Variants in CAPSL observed in about 807,000 individuals in gnomAD.
CAPSL encodes calcyphosine like.
In CAPSL, 17 loss-of-function variants were observed where a neutral mutation model predicts 21.3. That is an observed-to-expected ratio of 0.80 (90% CI 0.55 to 1.20). The LOEUF (loss-of-function observed/expected upper bound fraction) is 1.20. Ranked by LOEUF, CAPSL falls within the 50% of genes most tolerant of loss-of-function variation. CAPSL has a pLI of 0.00. For missense variants in CAPSL, 289 were observed against 259.3 expected (o/e 1.11, Z -0.79); for synonymous variants, 102 against 89.3 (o/e 1.14, Z -0.80).
chr5:35,916,694 C>A (rs1738395878), intron 2 of CAPSL, among the ~76,000 whole-genome samples: 1 of 152,186 alleles, frequency 6.6e-6, no homozygotes, highest in Non-Finnish European at 1.5e-5. Flanking sequence ...CCCTTCCTTA[C>A]ACCTTACACA....
intron 1 of CAPSL, among the ~76,000 whole-genome samples, chr5:35,922,526 A>G (rs1738566650): frequency 6.6e-6 from 1 of 152,162 alleles, no homozygotes; most frequent in Non-Finnish European, 1.5e-5. Context: ...TTTACTCCAC[A>G]TTAGGAAAAA....
chr5:35,926,030 CGCGCCACTGCACTCCAGCCTGG>C (rs1299577782), intron 1 of CAPSL, among the ~76,000 whole-genome samples: 1 of 146,466 alleles, frequency 6.8e-6, no homozygotes, highest in Non-Finnish European at 1.5e-5. Context: ...GAGCCAAGAT[CGCGCCACTGCACTCCAGCCTGG>C]GCGGCTGAGC....
chr5:35,919,188 TATAA>T (rs1458567676), intron 2 of CAPSL, among the ~76,000 whole-genome samples: 7 of 146,112 alleles, frequency 4.8e-5, no homozygotes, highest in African/African-American at 1.7e-4. Context: ...TATATATATA[TATAA>T]AAATTGTGAA....
chr5:35,935,421 C>A (rs1252612502), intron 1 of CAPSL, among the ~76,000 whole-genome samples: 2 of 151,910 alleles, frequency 1.3e-5, no homozygotes, highest in African/African-American at 2.4e-5. Flanking sequence ...CAGCCTCAAT[C>A]TCCTGGGCAC....
intron 4 of CAPSL, among the ~76,000 whole-genome samples, chr5:35,908,400 TGAGA>T (rs1401401011): frequency 6.6e-6 from 1 of 152,214 alleles, no homozygotes; most frequent in Non-Finnish European, 1.5e-5. Context: ...TATGAGCTTT[TGAGA>T]GCTTAATGTG....
At position 35,904,573 on chromosome 5, in the gene CAPSL, A is replaced by AT. The variant is rs766454360; in HGVS notation, c.598dup (p.Ile200AsnfsTer13). On this transcript the variant is annotated frameshift_variant, in exon 5 of 5. Coordinates refer to ENST00000651391, the MANE Select transcript of CAPSL (RefSeq NM_001042625.2). LOFTEE classifies it high-confidence loss of function. Reference sequence around the variant, plus strand: ...AAGCTTCCAGGCGGTTCTCATCATGATGATGAAGTACACATCAGTGTCAAT... The same window carrying AT: ...AAGCTTCCAGGCGGTTCTCATCATGATTGATGAAGTACACATCAGTGTCAAT... The AT allele has an allele frequency of 5.6e-6, 9 of 1,613,808 alleles. No individual in the cohort carries two copies. In the East Asian group the frequency reaches 2.0e-4, roughly 36 times the overall value.
chr5:35,904,706 C>T, intron 4 of CAPSL, 60 bp from the exon 5 acceptor site: 1 of 1,601,800 alleles, frequency 6.2e-7, no homozygotes, highest in African/African-American at 1.3e-5. Flanking sequence ...TCAATGGGCG[C>T]CCACCTTGTG....
intron 2 of CAPSL, among the ~76,000 whole-genome samples, chr5:35,918,331 C>A (rs576128490): frequency 6.6e-6 from 1 of 152,264 alleles, no homozygotes; most frequent in Admixed American, 6.5e-5. Flanking sequence ...AGCTGGAAAC[C>A]ATAATTCTTA....
chr5:35,909,869 T>A lies in CAPSL; in HGVS notation c.522A>T (p.Gly174=), dbSNP rs758028437. Residue 174 remains glycine, a synonymous_variant, in exon 4 of 5, where the codon GGA becomes GGT. Coordinates refer to ENST00000651391, the MANE Select transcript of CAPSL (RefSeq NM_001042625.2). ...DNFDSPYDKD[G]LVTPEEFMNY... ...TAGATTAGGCTCTTTTACTTACCAA[T>A]CCATCTTTGTCATAGGGTGAATCAA... The A allele has an allele frequency of 6.2e-7, 1 of 1,607,774 alleles. No individual in the cohort carries two copies. The highest frequency in any genetic ancestry group is 1.1e-5 in the South Asian group (1 of 88,656).
chr5:35,907,339 A>G (rs1262807432), intron 4 of CAPSL, among the ~76,000 whole-genome samples: 1 of 152,194 alleles, frequency 6.6e-6, no homozygotes, highest in Non-Finnish European at 1.5e-5. Context: ...TTTTTATGAG[A>G]TGGATGAGGC....
chr5:35,923,582 G>C (rs1738593490), intron 1 of CAPSL, among the ~76,000 whole-genome samples: 1 of 152,186 alleles, frequency 6.6e-6, no homozygotes, highest in African/African-American at 2.4e-5. Flanking sequence ...AAGGAACACA[G>C]TACTGATAGA....
rs565287927 is a variant in CAPSL, at chr5:35,913,198, T to C, written c.138-2655A>G. ...AAATGAACAACGCCTCCAAGAAATATGGGACTATGTGAAAAGACCAAATCT... is the reference window on the plus strand; with the variant it reads ...AAATGAACAACGCCTCCAAGAAATACGGGACTATGTGAAAAGACCAAATCT... On this transcript the variant is annotated intron_variant, in intron 2 of 4. Coordinates refer to ENST00000651391, the MANE Select transcript of CAPSL (RefSeq NM_001042625.2). Among the ~76,000 whole-genome samples the C allele has an allele frequency of 1.3e-4, 20 of 152,142 alleles. 1 individual carries two copies. In the South Asian group the frequency reaches 4.2e-3, roughly 32 times the overall value.
At chr5:35,935,031 C>CA (rs1180118661) in intron 1 of CAPSL, among the ~76,000 whole-genome samples, 1 of 152,170 alleles carries the variant, frequency 6.6e-6, no homozygotes, top group African/African-American at 2.4e-5. Flanking sequence ...CTGTCACCTC[C>CA]ACATCATGAC....
chr5:35,920,200 C>T (rs959523080), intron 2 of CAPSL, among the ~76,000 whole-genome samples: 3 of 152,170 alleles, frequency 2.0e-5, no homozygotes, highest in African/African-American at 7.2e-5. Flanking sequence ...GGCTAGATTT[C>T]CCTCCCATTG....
At chr5:35,922,520 C>T (rs1738566529) in intron 1 of CAPSL, among the ~76,000 whole-genome samples, 1 of 152,228 alleles carries the variant, frequency 6.6e-6, no homozygotes. Context: ...CAGCTCTTTA[C>T]TCCACATTAG....
At chr5:35,929,662 G>A (rs1738772441) in intron 1 of CAPSL, among the ~76,000 whole-genome samples, 1 of 152,084 alleles carries the variant, frequency 6.6e-6, no homozygotes, top group African/African-American at 2.4e-5. Context: ...ATTGCTTTGG[G>A]GACTCAGAGA....
intron 1 of CAPSL, among the ~76,000 whole-genome samples, chr5:35,928,338 G>A (rs1298521605): frequency 1.3e-5 from 2 of 152,182 alleles, no homozygotes; most frequent in African/African-American, 4.8e-5. Context: ...TAGGTGTTGA[G>A]TATAGCCTAG....
At chr5:35,927,125 A>G (rs1392268564) in intron 1 of CAPSL, among the ~76,000 whole-genome samples, 8 of 152,192 alleles carry the variant, frequency 5.3e-5, no homozygotes, top group Admixed American at 3.3e-4. Context: ...TGGCTGGACC[A>G]GATTTTGCCT....
chr5:35,922,177 T>A (rs1046031086), intron 1 of CAPSL, among the ~76,000 whole-genome samples: 2 of 152,074 alleles, frequency 1.3e-5, no homozygotes, highest in African/African-American at 4.8e-5. Context: ...AGGACTGAAT[T>A]ATTTTCATCA....
Sources: allele counts gnomAD v4.1 joint callset (sites outside exome capture counted in the v4.1 genomes callset), GRCh38; gene constraint gnomAD v4.1.1; transcripts MANE v1.5; gene names NCBI Gene and HGNC (gene_info 2026-07-23, HGNC 2026-07-21).